Variants in AGAP1 observed in about 807,000 individuals in gnomAD.
The protein encoded by AGAP1 is ArfGAP with GTPase domain, ankyrin repeat and PH domain 1, also known as arf-GAP with GTPase, ANK repeat and PH domain-containing protein 1.
AGAP1 carries 29 observed loss-of-function variants against 105.3 expected under a neutral mutation model. The observed-to-expected ratio is 0.28, with a 90% CI of 0.21 to 0.38. The LOEUF (loss-of-function observed/expected upper bound fraction) is 0.38, where lower values mean the gene tolerates loss of function less well. AGAP1 is among the 10% of genes least tolerant of loss of function. AGAP1 has a pLI of 1.00. For missense variants in AGAP1, 998 were observed against 1,165.1 expected, an observed-to-expected ratio of 0.86 and a Z score of 2.09; for synonymous variants, 509 against 485.9, an observed-to-expected ratio of 1.05 and a Z score of -0.63.
intron 1 of AGAP1, among the ~76,000 whole-genome samples, chr2:235,520,528 G>A (rs1301795701): frequency 6.6e-6 from 1 of 152,088 alleles, no homozygotes. Flanking sequence ...GGTTTGGTTG[G>A]ACTCCTTTCT....
At position 235,841,721 on chromosome 2, in the gene AGAP1, T is replaced by C. The variant is rs144579891; in HGVS notation, c.1050+34390T>C. ...ACTTCGTACATGTTAGGCATTGTAA[T>C]TTGGCTTTATGTTATGAATGCATTT... is the stretch of plus-strand genomic sequence containing the variant. On this transcript the variant is annotated intron_variant, in intron 9 of 17. Transcript: ENST00000304032. Among the ~76,000 whole-genome samples, 70 of 152,346 alleles carry C rather than the reference T, an allele frequency of 4.6e-4. No homozygotes were observed. The East Asian group carries it at 0.013, about 29-fold the overall frequency.
At position 235,574,085 on chromosome 2, in the gene AGAP1, C is replaced by T. The variant is rs1332434095; in HGVS notation, c.163+79236C>T. Among the ~76,000 whole-genome samples the T allele has an allele frequency of 6.6e-6, 1 of 152,224 alleles. No individual in the cohort carries two copies. Among genetic ancestry groups the T allele is most frequent in the Admixed American group, 6.5e-5 (1 of 15,288 alleles). On this transcript the variant is annotated intron_variant, in intron 1 of 17. Transcript: ENST00000304032. The surrounding 1 kb of genome is among the most constrained non-coding windows in gnomAD (Gnocchi z 5.0). ...CTGGGTGCCTTGGGGCCTGTCCTAT[C>T]TGAGGTCCACAGCCTGCAGGGACAT...
At chr2:235,573,098 CTT>C (rs57757046) in intron 1 of AGAP1, among the ~76,000 whole-genome samples, 1 of 107,982 alleles carries the variant, frequency 9.3e-6, no homozygotes, top group Non-Finnish European at 1.8e-5. Flanking sequence ...CTTTCTTCTT[CTT>C]CTTCCTTTTT....
At chr2:235,524,494 C>A in intron 1 of AGAP1, 1 of 343,850 alleles carries the variant, frequency 2.9e-6, no homozygotes, top group Non-Finnish European at 6.1e-6. Context: ...GTTGCTTGTC[C>A]TTGCTGTGAG....
rs541458203 is a variant in AGAP1 at position 235,554,997 on chromosome 2, A to G, written c.163+60148A>G. On this transcript the variant is annotated intron_variant, in intron 1 of 17. Transcript: ENST00000304032. ...AATTGTTTCTTGAGTTTTTCAAACA[A>G]TGCTTTCTCTCCAGCCAGTTCAATT... 1.8e-3 allele frequency among the ~76,000 whole-genome samples: 279 copies of G among 152,268 alleles called. 1 individual carries two copies. Among genetic ancestry groups the G allele is most frequent in the African/African-American group, 6.4e-3 (265 of 41,570 alleles).
At position 236,014,013 on chromosome 2, in the gene AGAP1, A is replaced by T. The variant is rs1353261348; in HGVS notation, c.1646-22548A>T. Among the ~76,000 whole-genome samples the T allele has an allele frequency of 6.6e-6, 1 of 152,160 alleles. No homozygotes were observed. The stretch of plus-strand genomic sequence containing the variant: ...CTCTGGAGGGTGGGGGCCCCATCTC[A>T]GTGAGCCAGCCAGGCACTGCACACA... On this transcript the variant is annotated intron_variant, in intron 13 of 17. Transcript: ENST00000304032. This position sits in a 1 kb window ranked among gnomAD's most constrained non-coding sequence, Gnocchi z 6.3.
In AGAP1 at chr2:236,095,296, C is replaced by A. The variant is rs1252396170; in HGVS notation, c.2115-24896C>A. On this transcript the variant is annotated intron_variant, in intron 16 of 17. Coordinates refer to ENST00000304032, the MANE Select transcript of AGAP1 (RefSeq NM_001037131.3). The surrounding 1 kb of genome is among the most constrained non-coding windows in gnomAD (Gnocchi z 4.1). Reference sequence around the variant, plus strand: ...CCTGTGGTCCCAGCTACTCGGGAGGCTGAGGTGGGAGGATCACTGGAGCCC... The same window carrying A: ...CCTGTGGTCCCAGCTACTCGGGAGGATGAGGTGGGAGGATCACTGGAGCCC... Among the ~76,000 whole-genome samples the A allele has an allele frequency of 1.3e-5, 2 of 149,818 alleles. No individual in the cohort carries two copies. Among genetic ancestry groups the A allele is most frequent in the East Asian group, 2.0e-4 (1 of 5,004 alleles).
intron 16 of AGAP1, among the ~76,000 whole-genome samples, chr2:236,094,624 T>C (rs66974167): frequency 0.1 from 15,473 of 152,046 alleles, 1,236 homozygotes; most frequent in African/African-American, 0.22. Context: ...AGCGCTGGAA[T>C]TACAGGCATG....
intron 12 of AGAP1, among the ~76,000 whole-genome samples, chr2:235,947,372 A>T (rs187621383): frequency 2.3e-4 from 35 of 152,266 alleles, no homozygotes; most frequent in African/African-American, 7.9e-4. Context: ...ATGGTCTCCA[A>T]ATCTGCCCAG....
At chr2:235,880,276 G>T (rs569410639) in intron 9 of AGAP1, among the ~76,000 whole-genome samples, 3 of 151,992 alleles carry the variant, frequency 2.0e-5, no homozygotes, top group Admixed American at 6.5e-5. Flanking sequence ...CCTCCCACAC[G>T]CCAGCCAGAA....
chr2:235,625,606 T>C lies in AGAP1; in HGVS notation c.164-83573T>C, dbSNP rs1946613170. ...ACTTCAGCTTAAAAGGTGGGGTTAA[T>C]AGGGAACAACATAAATGAGGGCAGG... On this transcript the variant is annotated intron_variant, in intron 1 of 17. Transcript: ENST00000304032. The surrounding 1 kb of genome is among the most constrained non-coding windows in gnomAD (Gnocchi z 4.0). Among the ~76,000 whole-genome samples, 1 of 152,210 alleles carries C rather than the reference T, an allele frequency of 6.6e-6. No homozygotes were observed.
chr2:235,712,805 C>T lies in AGAP1; in HGVS notation c.222+3568C>T, dbSNP rs192597192. ...TTCCTCCTCATGTAGCTCTTTGGCT[C>T]GCTCTGGATTGATTTCCTCCGTCTT... On this transcript the variant is annotated intron_variant, in intron 2 of 17. Transcript: ENST00000304032. The surrounding 1 kb of genome is among the most constrained non-coding windows in gnomAD (Gnocchi z 6.0). 2.9e-3 allele frequency among the ~76,000 whole-genome samples: 438 copies of T among 152,336 alleles called. 3 individuals are homozygous for T. The highest frequency in any genetic ancestry group is 4.8e-3 in the Non-Finnish European group (329 of 68,026).
chr2:235,904,560 G>T lies in AGAP1; in HGVS notation c.1156-4178G>T, dbSNP rs537782239. On this transcript the variant is annotated intron_variant, in intron 10 of 17. Coordinates refer to ENST00000304032, the MANE Select transcript of AGAP1 (RefSeq NM_001037131.3). The surrounding 1 kb of genome is among the most constrained non-coding windows in gnomAD (Gnocchi z 4.2). ...AAAGGGTTTTTCCTCTTTTATCTTC[G>T]ATCAGCATTTTCAACAAGGAACATG... Among the ~76,000 whole-genome samples the T allele has an allele frequency of 6.6e-6, 1 of 152,116 alleles. No homozygotes were observed. The highest frequency in any genetic ancestry group is 1.9e-4 in the East Asian group (1 of 5,168).
rs1943957414 is a variant in AGAP1, at chr2:235,555,905, A to G, written c.163+61056A>G. On this transcript the variant is annotated intron_variant, in intron 1 of 17. Transcript: ENST00000304032. The surrounding 1 kb of genome is among the most constrained non-coding windows in gnomAD (Gnocchi z 5.1). The stretch of plus-strand genomic sequence containing the variant: ...TGGTTGGTTGGTTGATTGGCTGAGG[A>G]ATATTTGGGGCACCTGCTCTGGGCC... Among the ~76,000 whole-genome samples the G allele has an allele frequency of 6.6e-6, 1 of 152,014 alleles. No individual in the cohort carries two copies. The highest frequency in any genetic ancestry group is 2.1e-4 in the South Asian group (1 of 4,826).
Position 235,936,480 on chromosome 2 carries a change from A to T in AGAP1, c.1483+5557A>T, listed in dbSNP as rs1309800199. ...AATGTTTTGCACGTCGATTTTGATG[A>T]TGGGGGTTCGAAACATGAGTTTCAG... On this transcript the variant is annotated intron_variant, in intron 12 of 17. Coordinates refer to ENST00000304032, the MANE Select transcript of AGAP1 (RefSeq NM_001037131.3). The surrounding 1 kb of genome is among the most constrained non-coding windows in gnomAD (Gnocchi z 4.7). Among the ~76,000 whole-genome samples, 15 of 152,138 alleles carry T rather than the reference A, an allele frequency of 9.9e-5. No homozygotes were observed. The highest frequency in any genetic ancestry group is 9.8e-4 in the Admixed American group (15 of 15,282).
At position 235,771,942 on chromosome 2, in the gene AGAP1, A is replaced by C. The variant is rs376250205; in HGVS notation, c.673+21454A>C. On this transcript the variant is annotated intron_variant, in intron 6 of 17. Coordinates refer to ENST00000304032, the MANE Select transcript of AGAP1 (RefSeq NM_001037131.3). ...CTGTTCTGTTTAGAAAATAGAAGTA[A>C]ATGCAATGTTCCGGAGCTGACATGT... Among the ~76,000 whole-genome samples, 30 of 151,758 alleles carry C rather than the reference A, an allele frequency of 2.0e-4. 1 individual carries two copies. The East Asian group carries it at 5.8e-3, about 29-fold the overall frequency.
At chr2:235,876,479 C>T (rs1262426649) in intron 9 of AGAP1, among the ~76,000 whole-genome samples, 1 of 152,232 alleles carries the variant, frequency 6.6e-6, no homozygotes, top group African/African-American at 2.4e-5. Flanking sequence ...CCCAGCCACC[C>T]TCCGTCTCCC....
In AGAP1 at chr2:235,752,531, C is replaced by T. The variant is rs572910244; in HGVS notation, c.673+2043C>T. ...CACGCTTTGTGTCGATGGGCTGCAG[C>T]GGGTTTGGGCCCCTCTCCAGCTGTG... On this transcript the variant is annotated intron_variant, in intron 6 of 17. Coordinates refer to ENST00000304032, the MANE Select transcript of AGAP1 (RefSeq NM_001037131.3). The surrounding 1 kb of genome is among the most constrained non-coding windows in gnomAD (Gnocchi z 4.3). Among the ~76,000 whole-genome samples, 64 of 152,206 alleles carry T rather than the reference C, an allele frequency of 4.2e-4. No homozygotes were observed. Among genetic ancestry groups the T allele is most frequent in the African/African-American group, 1.4e-3 (58 of 41,520 alleles).
rs1035871474 is a variant in AGAP1, at chr2:235,981,865, C to T, written c.1645+13242C>T. Among the ~76,000 whole-genome samples, 2 of 152,170 alleles carry T rather than the reference C, an allele frequency of 1.3e-5. No individual in the cohort carries two copies. Among genetic ancestry groups the T allele is most frequent in the African/African-American group, 4.8e-5 (2 of 41,440 alleles). On this transcript the variant is annotated intron_variant, in intron 13 of 17. Coordinates refer to ENST00000304032, the MANE Select transcript of AGAP1 (RefSeq NM_001037131.3). This position sits in a 1 kb window ranked among gnomAD's most constrained non-coding sequence, Gnocchi z 5.5. ...CTAACACATCTCCACGGTGACCTTC[C>T]CTTCCCTTGGAAGGGGGCGCTTGTC... is the stretch of plus-strand genomic sequence containing the variant.
Sources: allele counts gnomAD v4.1 joint callset (sites outside exome capture counted in the v4.1 genomes callset), GRCh38; gene constraint gnomAD v4.1.1; non-coding constraint Gnocchi (gnomAD v3.1); transcripts MANE v1.5; gene names NCBI Gene and HGNC (gene_info 2026-07-23, HGNC 2026-07-21).